Variants in RSPH14 observed in about 807,000 individuals in gnomAD.
The protein encoded by RSPH14 is radial spoke head 14 homolog, also known as rhabdoid tumor deletion region gene 1.
In RSPH14, 20 loss-of-function variants were observed where a neutral mutation model predicts 26.7. That is an observed-to-expected ratio of 0.75 (90% CI 0.53 to 1.09). RSPH14 has a LOEUF of 1.09. RSPH14 is among the 50% of genes least tolerant of loss of function. RSPH14 has a pLI of 0.00. For missense variants in RSPH14, 449 were observed against 457.2 expected (o/e 0.98, Z 0.16); for synonymous variants, 177 against 189.3 (o/e 0.93, Z 0.53).
chr22:23,158,804 A>G, the RSPH14 span: 1 of 1,098,986 alleles, frequency 9.1e-7, no homozygotes, highest in South Asian at 1.3e-5. Flanking sequence ...CCAGCCCAGC[A>G]CTTCAGCCCT....
chr22:23,095,017 C>T (rs2069082920), intron 4 of RSPH14, among the ~76,000 whole-genome samples: 4 of 152,256 alleles, frequency 2.6e-5, no homozygotes, highest in Non-Finnish European at 5.9e-5. Context: ...CCTCCTCTCC[C>T]TCATGCACCT....
the RSPH14 span, chr22:23,161,425 AG>A: frequency 2.3e-6 from 3 of 1,304,140 alleles, no homozygotes; most frequent in Non-Finnish European, 3.3e-6. Flanking sequence ...TCTGACTGTC[AG>A]GGCCGGCATC....
chr22:23,159,448 T>A, the RSPH14 span, among the ~76,000 whole-genome samples: 1 of 152,218 alleles, frequency 6.6e-6, no homozygotes, highest in African/African-American at 2.4e-5. Context: ...CTGCGTCATC[T>A]CTAGAAGGAA....
At chr22:23,067,893 C>T (rs2068246786) in intron 4 of RSPH14, among the ~76,000 whole-genome samples, 4 of 152,160 alleles carry the variant, frequency 2.6e-5, no homozygotes, top group Admixed American at 2.6e-4. Flanking sequence ...GTGCTCACTC[C>T]CACTTCCTCT....
At chr22:23,117,938 G>A (rs937500486) in intron 4 of RSPH14, among the ~76,000 whole-genome samples, 4 of 152,146 alleles carry the variant, frequency 2.6e-5, no homozygotes, top group African/African-American at 2.4e-5. Flanking sequence ...TGCCCCGGCC[G>A]CTGACCTGGG....
At chr22:23,153,051 T>C in the RSPH14 span, 1 of 1,614,054 alleles carries the variant, frequency 6.2e-7, no homozygotes, top group Non-Finnish European at 8.5e-7. Context: ...AGAATGTTTT[T>C]GATCGAGACT....
chr22:23,121,632 T>G (rs2070026461), intron 4 of RSPH14, among the ~76,000 whole-genome samples: 1 of 152,208 alleles, frequency 6.6e-6, no homozygotes, highest in African/African-American at 2.4e-5. Context: ...GGTGATGCTG[T>G]TGCTTCGTGC....
chr22:23,161,462 T>G, the RSPH14 span: 4 of 1,543,072 alleles, frequency 2.6e-6, no homozygotes, highest in Non-Finnish European at 3.6e-6. Context: ...GCTACAGGAT[T>G]CCTGGTTGAT....
chr22:23,138,561 C>CA lies in RSPH14; in HGVS notation c.302+278dup, dbSNP rs200252373. ...TGGGTGACAGAGTGAGAGACTGTCT[C>CA]AAAAAAGAAAGAAAAGAAAGAGAGA... On this transcript the variant is annotated intron_variant, in intron 3 of 6. Coordinates refer to ENST00000216036, the MANE Select transcript of RSPH14 (RefSeq NM_014433.3). Among the ~76,000 whole-genome samples, 1,464 of 150,938 alleles carry CA rather than the reference C, an allele frequency of 9.7e-3. 22 individuals are homozygous for CA. The highest frequency in any genetic ancestry group is 0.034 in the African/African-American group (1,396 of 41,032).
chr22:23,091,129 G>C (rs992985001), intron 4 of RSPH14, among the ~76,000 whole-genome samples: 6 of 152,318 alleles, frequency 3.9e-5, no homozygotes, highest in African/African-American at 1.4e-4. Flanking sequence ...ACCACATGCA[G>C]ACAGAGGCAT....
chr22:23,097,874 C>G (rs1233056970), intron 4 of RSPH14, among the ~76,000 whole-genome samples: 1 of 152,232 alleles, frequency 6.6e-6, no homozygotes, highest in African/African-American at 2.4e-5. Flanking sequence ...CTGGCCTCAC[C>G]CATCACCACA....
intron 4 of RSPH14, among the ~76,000 whole-genome samples, chr22:23,088,937 C>A (rs554911752): frequency 3.3e-5 from 5 of 152,344 alleles, no homozygotes; most frequent in African/African-American, 1.2e-4. Context: ...GCCTGTGCCT[C>A]TCCCCCAGTC....
chr22:23,173,693 T>C, the RSPH14 span, among the ~76,000 whole-genome samples: 1,319 of 150,884 alleles, frequency 8.7e-3, 11 homozygotes, highest in Non-Finnish European at 0.015. Context: ...CTCAAACTTC[T>C]TCTCCGTTAT....
At chr22:23,167,965 G>A in the RSPH14 span, among the ~76,000 whole-genome samples, 9 of 152,078 alleles carry the variant, frequency 5.9e-5, no homozygotes, top group African/African-American at 2.2e-4. Context: ...CCCCACCCCA[G>A]CCTCCCAAGT....
chr22:23,072,870 G>C (rs1355392676), intron 4 of RSPH14, among the ~76,000 whole-genome samples: 1 of 152,242 alleles, frequency 6.6e-6, no homozygotes, highest in Non-Finnish European at 1.5e-5. Context: ...CCTGGTGCAG[G>C]AGTATGGGTG....
the RSPH14 span, among the ~76,000 whole-genome samples, chr22:23,172,858 G>A: frequency 1.3e-5 from 2 of 151,706 alleles, no homozygotes; most frequent in Admixed American, 6.6e-5. Context: ...GCTGAGGCAG[G>A]AGAATGGCAT....
rs201007500 is a variant in RSPH14 at position 23,059,597 on chromosome 22, C to T, written c.912G>A (p.Glu304=). 5 of 1,613,766 alleles carry T rather than the reference C, an allele frequency of 3.1e-6. No homozygotes were observed. In the African/African-American group the frequency reaches 5.3e-5, roughly 17 times the overall value. ...KALTMLAEAP[E]GRKALQTHVP... ...CGTGCGTCTGCAGGGCCTTGCGGCC[C>T]TCGGGGGCCTCTGCCAGCATGGTAA... The change falls in exon 7 of 7, where the codon GAG becomes GAA. Residue 304 remains glutamate (E), a synonymous_variant. Transcript: ENST00000216036.
At chr22:23,132,281 C>T (rs1002830125) in intron 4 of RSPH14, among the ~76,000 whole-genome samples, 28 of 152,288 alleles carry the variant, frequency 1.8e-4, no homozygotes, top group Admixed American at 1.2e-3. Context: ...CTAAGGTATC[C>T]GCTTCAAGGC....
the RSPH14 span, among the ~76,000 whole-genome samples, chr22:23,176,432 A>T: frequency 6.6e-6 from 1 of 152,034 alleles, no homozygotes; most frequent in African/African-American, 2.4e-5. Context: ...CATCCTCACC[A>T]CCTGTTTCTT....
Sources: allele counts gnomAD v4.1 joint callset (sites outside exome capture counted in the v4.1 genomes callset), GRCh38; gene constraint gnomAD v4.1.1; transcripts MANE v1.5; gene names NCBI Gene and HGNC (gene_info 2026-07-23, HGNC 2026-07-21).